Variants in ARHGAP10 observed in about 807,000 individuals in gnomAD.
ARHGAP10 encodes Rho GTPase activating protein 10, also known as rho GTPase-activating protein 10.
ARHGAP10 carries 87 observed loss-of-function variants against 108.6 expected under a neutral mutation model. The ratio of observed to expected loss-of-function variants is 0.80; its 90% CI spans 0.67 to 0.96. The LOEUF (loss-of-function observed/expected upper bound fraction) is 0.96. ARHGAP10 is among the 40% of genes least tolerant of loss of function. The probability of loss-of-function intolerance (pLI) is 0.00; values close to 1 mark genes in which losing one functional copy is unlikely to be tolerated. For missense variants in ARHGAP10, 939 were observed against 954.5 expected (o/e 0.98, Z 0.21); for synonymous variants, 347 against 341.1 (o/e 1.02, Z -0.19).
At chr4:147,734,461 T>C (rs981427307) in intron 1 of ARHGAP10, among the ~76,000 whole-genome samples, 8 of 152,192 alleles carry the variant, frequency 5.3e-5, no homozygotes, top group Admixed American at 2.0e-4. Flanking sequence ...TGTCTTTTTT[T>C]CTCGTTATGT....
At chr4:147,958,652 G>A (rs1257581447) in intron 16 of ARHGAP10, among the ~76,000 whole-genome samples, 2 of 152,188 alleles carry the variant, frequency 1.3e-5, no homozygotes, top group African/African-American at 2.4e-5. Context: ...CGGTAGATAC[G>A]AATGCCACAG....
At chr4:147,782,730 C>T (rs1442181286) in intron 1 of ARHGAP10, 1 of 151,918 alleles carries the variant, frequency 6.6e-6, no homozygotes, top group Non-Finnish European at 1.5e-5. Flanking sequence ...AGTTTGCAAA[C>T]AGGAAAGAAG....
intron 12 of ARHGAP10, among the ~76,000 whole-genome samples, chr4:147,911,642 G>T (rs1045231873): frequency 2.5e-5 from 1 of 39,270 alleles, no homozygotes; most frequent in African/African-American, 4.4e-5. Context: ...GATTACAGGC[G>T]TGAGCCACCG....
Position 147,939,805 on chromosome 4 carries a change from T to C in ARHGAP10, c.1229-20T>C, listed in dbSNP as rs758938469. On this transcript the variant is annotated intron_variant, in intron 13 of 22. Coordinates refer to ENST00000336498, the MANE Select transcript of ARHGAP10 (RefSeq NM_024605.4). ...ATATGATAGTCTTCTATTTTGCTAA[T>C]AGTTTGTTTCTTCCCATAGGTATAA... 2 of 1,606,166 alleles carry C rather than the reference T, an allele frequency of 1.2e-6. No homozygotes were observed. The highest frequency in any genetic ancestry group is 1.7e-6 in the Non-Finnish European group (2 of 1,172,804).
At chr4:147,992,458 A>C (rs965549928) in intron 18 of ARHGAP10, among the ~76,000 whole-genome samples, 1 of 152,082 alleles carries the variant, frequency 6.6e-6, no homozygotes, top group South Asian at 2.1e-4. Context: ...CCCAGCGTGG[A>C]GTGCAATGGC....
intron 1 of ARHGAP10, among the ~76,000 whole-genome samples, chr4:147,799,428 A>G (rs6829479): frequency 0.74 from 112,722 of 152,064 alleles, 47,768 homozygotes; most frequent in Non-Finnish European, 0.93. Context: ...TTTTAGCCCT[A>G]TTCTCTTTTT....
intron 3 of ARHGAP10, among the ~76,000 whole-genome samples, chr4:147,837,501 C>T (rs1733216220): frequency 2.6e-5 from 4 of 152,122 alleles, no homozygotes; most frequent in African/African-American, 9.7e-5. Context: ...CAGAGCTGGG[C>T]TTAGAGCAGA....
chr4:148,022,837 T>C (rs1462124461), intron 18 of ARHGAP10, among the ~76,000 whole-genome samples: 4 of 152,242 alleles, frequency 2.6e-5, no homozygotes, highest in Non-Finnish European at 5.9e-5. Context: ...CAGTCATATG[T>C]TTCTGTTTAC....
intron 13 of ARHGAP10, among the ~76,000 whole-genome samples, chr4:147,923,266 A>G (rs1456805954): frequency 6.6e-6 from 1 of 152,182 alleles, no homozygotes; most frequent in African/African-American, 2.4e-5. Context: ...AGTTTCAGAG[A>G]TTGGAGTGTA....
chr4:148,061,545 A>G (rs1445063541), intron 20 of ARHGAP10, among the ~76,000 whole-genome samples: 1 of 152,194 alleles, frequency 6.6e-6, no homozygotes, highest in African/African-American at 2.4e-5. Flanking sequence ...TTGGGATAAA[A>G]TAGATTTTAT....
intron 13 of ARHGAP10, among the ~76,000 whole-genome samples, chr4:147,922,872 C>A (rs931261545): frequency 2.0e-5 from 3 of 152,030 alleles, no homozygotes; most frequent in African/African-American, 7.2e-5. Flanking sequence ...GTTATATTGC[C>A]TGGTATTTTA....
chr4:147,734,816 CAG>C (rs956256577), intron 1 of ARHGAP10, among the ~76,000 whole-genome samples: 5 of 152,136 alleles, frequency 3.3e-5, no homozygotes, highest in African/African-American at 1.2e-4. Context: ...TGTATAACAT[CAG>C]AGAGTCAAGG....
chr4:148,070,966 G>A (rs1730148266), intron 22 of ARHGAP10, among the ~76,000 whole-genome samples: 1 of 152,156 alleles, frequency 6.6e-6, no homozygotes, highest in African/African-American at 2.4e-5. Context: ...CAATTTTCTC[G>A]TTGAGTATCA....
chr4:147,850,419 T>A (rs1423837927), intron 4 of ARHGAP10, among the ~76,000 whole-genome samples: 1 of 152,186 alleles, frequency 6.6e-6, no homozygotes, highest in Non-Finnish European at 1.5e-5. Context: ...ACACTACCTT[T>A]ATGAGCTGTA....
At chr4:147,857,036 A>C (rs1454952290) in intron 4 of ARHGAP10, among the ~76,000 whole-genome samples, 1 of 152,064 alleles carries the variant, frequency 6.6e-6, no homozygotes, top group East Asian at 1.9e-4. Flanking sequence ...TATTTTTAGT[A>C]GGGACGGGAT....
At chr4:147,999,962 A>G (rs1740633661) in intron 18 of ARHGAP10, among the ~76,000 whole-genome samples, 1 of 151,640 alleles carries the variant, frequency 6.6e-6, no homozygotes, top group Non-Finnish European at 1.5e-5. Context: ...TTAGTAGGGT[A>G]CATGTGCACA....
intron 1 of ARHGAP10, among the ~76,000 whole-genome samples, chr4:147,788,345 G>T (rs542461203): frequency 1.3e-5 from 2 of 152,134 alleles, no homozygotes; most frequent in Non-Finnish European, 1.5e-5. Flanking sequence ...TACTCAGGAG[G>T]CTGGGACAGG....
At chr4:147,991,157 A>AT (rs1560862573) in intron 18 of ARHGAP10, among the ~76,000 whole-genome samples, 1 of 151,800 alleles carries the variant, frequency 6.6e-6, no homozygotes, top group African/African-American at 2.4e-5. Flanking sequence ...AAAAAAAAAA[A>AT]AAATAAATAA....
Position 148,045,754 on chromosome 4 carries a change from A to T in ARHGAP10, c.1868-1138A>T, listed in dbSNP as rs1361978039. 3.3e-5 allele frequency among the ~76,000 whole-genome samples: 5 copies of T among 151,716 alleles called. 1 individual carries two copies. In the East Asian group the frequency reaches 9.7e-4, roughly 29 times the overall value. On this transcript the variant is annotated intron_variant, in intron 19 of 22. Coordinates refer to ENST00000336498, the MANE Select transcript of ARHGAP10 (RefSeq NM_024605.4). Reference sequence around the variant, plus strand: ...ACTCCATCTCAAAAAAAAAAAAAAAAAAAAAAAAAAAGAAATCCATCTAAG... The same window carrying T: ...ACTCCATCTCAAAAAAAAAAAAAAATAAAAAAAAAAAGAAATCCATCTAAG...
Sources: gnomAD v4.1 joint callset for allele counts (sites outside exome capture counted in the v4.1 genomes callset) on GRCh38, gnomAD v4.1.1 for gene constraint, MANE v1.5 for transcripts, NCBI Gene and HGNC (gene_info 2026-07-23, HGNC 2026-07-21) for gene names.